The following ACSBG2 variants were observed in gnomAD, a reference collection of about 807,000 sequenced individuals.
The protein encoded by ACSBG2 is long-chain-fatty-acid--CoA ligase ACSBG2.
In ACSBG2, 62 loss-of-function variants were observed where a neutral mutation model predicts 74.7. The observed-to-expected ratio is 0.83, with a 90% CI of 0.68 to 1.03. The LOEUF (loss-of-function observed/expected upper bound fraction) is 1.03. ACSBG2 is among the 50% of genes least tolerant of loss of function. The probability of loss-of-function intolerance (pLI) is 0.00; values close to 1 mark genes in which losing one functional copy is unlikely to be tolerated. For synonymous variants in ACSBG2, 309 were observed against 294.1 expected (o/e 1.05, Z -0.52); for missense variants, 730 against 817.6 (o/e 0.89, Z 1.31).
At position 6,180,721 on chromosome 19, in the gene ACSBG2, ACTAT is replaced by A. The variant is rs898525465; in HGVS notation, c.907-2027_907-2024del. ...CTCTACATCTTCACTAACGCATGTT[ACTAT>A]CTGTTTTATTATTATTATTGCCATT... On this transcript the variant is annotated intron_variant, in intron 8 of 14. Coordinates refer to ENST00000588485, the MANE Select transcript of ACSBG2 (RefSeq NM_030924.5). This position sits in a 1 kb window ranked among gnomAD's most constrained non-coding sequence, Gnocchi z 4.3. 6.3e-4 allele frequency among the ~76,000 whole-genome samples: 96 copies of A among 152,194 alleles called. No individual in the cohort carries two copies. Among genetic ancestry groups the A allele is most frequent in the Admixed American group, 7.9e-4 (12 of 15,276 alleles).
chr19:6,176,164 G>A (rs975935758), intron 7 of ACSBG2: 10 of 520,962 alleles, frequency 1.9e-5, no homozygotes, highest in South Asian at 9.9e-5. Flanking sequence ...TAAAAAAACC[G>A]TTAGACCTAG....
intron 2 of ACSBG2, among the ~76,000 whole-genome samples, chr19:6,145,822 C>T (rs2089011211): frequency 6.6e-6 from 1 of 152,192 alleles, no homozygotes; most frequent in Non-Finnish European, 1.5e-5. Flanking sequence ...CAACAACCCC[C>T]TCAACAACCT....
rs967299080 is a variant in ACSBG2, at chr19:6,190,684, G to A, written c.*27G>A. 6.2e-7 allele frequency: 1 copy of A among 1,604,292 alleles called. No homozygotes were observed. The highest frequency in any genetic ancestry group is 1.7e-5 in the Admixed American group (1 of 59,988). Reference sequence around the variant, plus strand: ...TGCTTTGATGGAGCTGCTCTCAGCTGTTCTGATGGTGAGATTCAGTTGCTT... The same window carrying A: ...TGCTTTGATGGAGCTGCTCTCAGCTATTCTGATGGTGAGATTCAGTTGCTT... On this transcript the variant is annotated 3_prime_UTR_variant, in exon 14 of 15. Coordinates refer to ENST00000588485, the MANE Select transcript of ACSBG2 (RefSeq NM_030924.5).
intron 7 of ACSBG2, 134 bp from the exon 8 acceptor site, chr19:6,177,095 A>AGGC: frequency 1.1e-6 from 1 of 906,592 alleles, no homozygotes; most frequent in South Asian, 1.9e-5. Flanking sequence ...CAGGAGTTTG[A>AGGC]GGCTGCAGTG....
At chr19:6,153,145 CT>C (rs2089293448) in intron 4 of ACSBG2, among the ~76,000 whole-genome samples, 1 of 152,082 alleles carries the variant, frequency 6.6e-6, no homozygotes, top group Non-Finnish European at 1.5e-5. Context: ...ACGCGGGAGG[CT>C]GAGGCAGGAG....
intron 7 of ACSBG2, among the ~76,000 whole-genome samples, chr19:6,167,265 T>C (rs1600088940): frequency 6.6e-6 from 1 of 152,204 alleles, no homozygotes; most frequent in Non-Finnish European, 1.5e-5. Flanking sequence ...TAAGTAACCA[T>C]GTAAGCTGGT....
At chr19:6,184,397 A>G (rs1281581174) in intron 10 of ACSBG2, among the ~76,000 whole-genome samples, 1 of 152,108 alleles carries the variant, frequency 6.6e-6, no homozygotes, top group Non-Finnish European at 1.5e-5. Flanking sequence ...ATATACCTAA[A>G]AAGGCTTCAG....
intron 2 of ACSBG2, among the ~76,000 whole-genome samples, chr19:6,143,165 C>T (rs1055358654): frequency 6.6e-6 from 1 of 152,118 alleles, no homozygotes; most frequent in African/African-American, 2.4e-5. Flanking sequence ...ATGCCTCGGC[C>T]ACCCAAACAG....
At chr19:6,163,830 C>T (rs531816652) in intron 6 of ACSBG2, among the ~76,000 whole-genome samples, 5 of 146,766 alleles carry the variant, frequency 3.4e-5, no homozygotes, top group Non-Finnish European at 7.4e-5. Context: ...CATGCCTGTC[C>T]AAGCTACTCG....
chr19:6,156,649 G>A (rs1474589844), intron 5 of ACSBG2, 98 bp downstream of exon 5: 2 of 1,313,130 alleles, frequency 1.5e-6, no homozygotes, highest in Non-Finnish European at 1.0e-6. Flanking sequence ...CTAATGATAA[G>A]ATAGGGCCAT....
At chr19:6,136,425 G>A (rs1214730513) in intron 1 of ACSBG2, among the ~76,000 whole-genome samples, 2 of 150,458 alleles carry the variant, frequency 1.3e-5, no homozygotes, top group African/African-American at 2.5e-5. Flanking sequence ...ATGGGGTTTC[G>A]CCATACCAGC....
chr19:6,187,483 C>T (rs2090440878), intron 12 of ACSBG2, 61 bp downstream of exon 12: 1 of 1,605,304 alleles, frequency 6.2e-7, no homozygotes, highest in Non-Finnish European at 8.5e-7. Context: ...TTCCCTGGCC[C>T]CACCCCAGGG....
chr19:6,190,814 C>T (rs2090544099), intron 14 of ACSBG2, 122 bp downstream of exon 14: 5 of 317,542 alleles, frequency 1.6e-5, no homozygotes, highest in African/African-American at 7.3e-5. Flanking sequence ...CACATACATA[C>T]ACACACACAC....
intron 7 of ACSBG2, among the ~76,000 whole-genome samples, chr19:6,171,907 T>C (rs991728368): frequency 2.6e-5 from 4 of 152,162 alleles, no homozygotes; most frequent in Non-Finnish European, 5.9e-5. Context: ...ACTTTGGGTT[T>C]TTTATTTCTT....
intron 14 of ACSBG2, 37 bp downstream of exon 14, chr19:6,190,729 TTCAG>T: frequency 2.1e-6 from 3 of 1,425,012 alleles, no homozygotes; most frequent in Non-Finnish European, 3.0e-6. Context: ...GGGCTATGCA[TTCAG>T]AGTCCAAGAG....
intron 7 of ACSBG2, among the ~76,000 whole-genome samples, chr19:6,169,086 G>A (rs937962333): frequency 2.0e-5 from 3 of 152,170 alleles, no homozygotes; most frequent in Non-Finnish European, 4.4e-5. Flanking sequence ...GCCAATATTA[G>A]TCCTTTAATT....
rs1398800807 is a variant in ACSBG2, at chr19:6,135,694, GGAAA to G, written c.-246_-243del. On this transcript the variant is annotated 5_prime_UTR_variant, in exon 1 of 15. Coordinates refer to ENST00000588485, the MANE Select transcript of ACSBG2 (RefSeq NM_030924.5). ...ATGGGGTAGAAGGCCTGTTGTGGAGGGAAACCACCCATCCTCCTGCCTCCCACCA... is the reference window on the plus strand; with the variant it reads ...ATGGGGTAGAAGGCCTGTTGTGGAGGCCACCCATCCTCCTGCCTCCCACCA... 6.6e-6 allele frequency: 1 copy of G among 152,300 alleles called. No homozygotes were observed. Among genetic ancestry groups the G allele is most frequent in the Non-Finnish European group, 1.5e-5 (1 of 68,138 alleles). The allele number at this position is 152,300 out of a possible 1,614,324, so 9.4% of individuals were successfully genotyped here.
At chr19:6,140,231 A>AAAC (rs1222559318) in intron 1 of ACSBG2, among the ~76,000 whole-genome samples, 1 of 150,954 alleles carries the variant, frequency 6.6e-6, no homozygotes, top group East Asian at 2.0e-4. Flanking sequence ...TCTCAAAAAA[A>AAAC]AAAAAAAAGG....
chr19:6,142,474 C>T (rs2088878069), intron 2 of ACSBG2, among the ~76,000 whole-genome samples: 1 of 151,618 alleles, frequency 6.6e-6, no homozygotes. Context: ...GAAAGTGGGC[C>T]GGGTGCGGTG....
Sources: gnomAD v4.1 joint callset for allele counts (sites outside exome capture counted in the v4.1 genomes callset) on GRCh38, gnomAD v4.1.1 for gene constraint, Gnocchi (gnomAD v3.1) non-coding constraint, MANE v1.5 for transcripts, NCBI Gene and HGNC (gene_info 2026-07-23, HGNC 2026-07-21) for gene names.